The following ZMIZ1 variants were observed in gnomAD, a reference collection of about 807,000 sequenced individuals.
ZMIZ1 encodes the protein zinc finger MIZ-type containing 1.
In ZMIZ1, 17 loss-of-function variants were observed where a neutral mutation model predicts 113.9. That is an observed-to-expected ratio of 0.15 (90% CI 0.10 to 0.22). The LOEUF is 0.22. Among genes scored for constraint, ZMIZ1 ranks in the 10% least tolerant of loss-of-function variants. The pLI, the probability that ZMIZ1 is intolerant of heterozygous loss-of-function variation, is 1.00. For synonymous variants in ZMIZ1, 607 were observed against 603.1 expected, an observed-to-expected ratio of 1.01 and a Z score of -0.09; for missense variants, 1,059 against 1,477.8, an observed-to-expected ratio of 0.72 and a Z score of 4.65.
chr10:79,143,149 A>T (rs893235778), intron 3 of ZMIZ1, among the ~76,000 whole-genome samples: 5 of 152,066 alleles, frequency 3.3e-5, no homozygotes, highest in Admixed American at 3.3e-4. Context: ...CCCGAGGAAC[A>T]AGTGTGCTCC....
chr10:79,208,572 A>G, intron 6 of ZMIZ1, 123 bp downstream of exon 6: 1 of 802,878 alleles, frequency 1.2e-6, no homozygotes, highest in Non-Finnish European at 2.0e-6. Context: ...GAGAGCTGGG[A>G]AGACACTGGT....
At chr10:79,079,608 T>G (rs1842592200) in intron 1 of ZMIZ1, among the ~76,000 whole-genome samples, 1 of 152,078 alleles carries the variant, frequency 6.6e-6, no homozygotes, top group Admixed American at 6.6e-5. Flanking sequence ...TGAAGCGACT[T>G]GACCAAGGCC....
At chr10:79,135,070 C>T (rs1023611204) in intron 2 of ZMIZ1, among the ~76,000 whole-genome samples, 13 of 152,154 alleles carry the variant, frequency 8.5e-5, no homozygotes, top group East Asian at 7.7e-4. Flanking sequence ...TGCCCGCCTC[C>T]GCCTCCAAAG....
chr10:79,280,057 C>T (rs1250467512), intron 8 of ZMIZ1, among the ~76,000 whole-genome samples: 55 of 151,058 alleles, frequency 3.6e-4, no homozygotes, highest in African/African-American at 1.3e-3. Flanking sequence ...GGCGCAATCT[C>T]GGCTGACTGC....
intron 6 of ZMIZ1, among the ~76,000 whole-genome samples, chr10:79,213,761 C>T (rs899232414): frequency 3.9e-5 from 6 of 152,202 alleles, no homozygotes; most frequent in Admixed American, 2.0e-4. Flanking sequence ...CCAGAGTTTT[C>T]AGCTAGACTG....
At chr10:79,243,674 G>A (rs2132847225) in intron 7 of ZMIZ1, 3 of 301,672 alleles carry the variant, frequency 9.9e-6, no homozygotes, top group South Asian at 2.3e-5. Flanking sequence ...CGCCGCGGCC[G>A]CCGCCGGCCG....
chr10:79,158,922 G>A (rs934269892), intron 3 of ZMIZ1, among the ~76,000 whole-genome samples: 5 of 152,158 alleles, frequency 3.3e-5, no homozygotes, highest in African/African-American at 4.8e-5. Context: ...CCCCTCCCCC[G>A]GGAGCTTCAG....
chr10:79,155,876 G>A (rs900774227), intron 3 of ZMIZ1, among the ~76,000 whole-genome samples: 5 of 152,246 alleles, frequency 3.3e-5, no homozygotes, highest in Non-Finnish European at 7.3e-5. Flanking sequence ...ACTGCCCGAG[G>A]GACGGTGGCT....
intron 1 of ZMIZ1, among the ~76,000 whole-genome samples, chr10:79,095,807 C>T (rs1452665305): frequency 3.9e-5 from 6 of 152,306 alleles, no homozygotes; most frequent in African/African-American, 1.4e-4. Flanking sequence ...TTCTCAGATC[C>T]ACATCTTGGG....
chr10:79,310,790 T>C, intron 23 of ZMIZ1, 134 bp from the exon 24 acceptor site: 1 of 1,021,374 alleles, frequency 9.8e-7, no homozygotes, highest in Non-Finnish European at 1.4e-6. Flanking sequence ...GAAACAACGT[T>C]CAGCCTCGTA....
intron 3 of ZMIZ1, among the ~76,000 whole-genome samples, chr10:79,142,302 C>T (rs1217014264): frequency 3.3e-5 from 5 of 152,072 alleles, no homozygotes; most frequent in African/African-American, 9.7e-5. Context: ...TGGGAGTTGT[C>T]GTGGATTGAT....
chr10:79,116,771 G>A (rs191439940), intron 1 of ZMIZ1, among the ~76,000 whole-genome samples: 1 of 152,342 alleles, frequency 6.6e-6, no homozygotes, highest in Admixed American at 6.5e-5. Flanking sequence ...GTAGCTGCCA[G>A]GCAGATCAAG....
At chr10:79,277,464 A>C in intron 8 of ZMIZ1, 139 bp downstream of exon 8, 1 of 1,144,008 alleles carries the variant, frequency 8.7e-7, no homozygotes, top group Non-Finnish European at 1.1e-6. Context: ...TTGTTTTTTT[A>C]CATCTTCGTG....
At chr10:79,248,158 C>G (rs910249384) in intron 7 of ZMIZ1, among the ~76,000 whole-genome samples, 4 of 152,088 alleles carry the variant, frequency 2.6e-5, no homozygotes, top group Non-Finnish European at 5.9e-5. Context: ...GAACAGAGGC[C>G]TATGCTCTAC....
chr10:79,165,968 G>GTCTGGGCTCTTCCTGCAGCTCAGC (rs1564692785), intron 4 of ZMIZ1, among the ~76,000 whole-genome samples: 1,474 of 146,648 alleles, frequency 0.01, 93 homozygotes, highest in African/African-American at 0.038. Context: ...GTGTGTGTGT[G>GTCTGGGCTCTTCCTGCAGCTCAGC]TGTGTGTGTG....
chr10:79,146,474 C>G (rs1302447309), intron 3 of ZMIZ1, among the ~76,000 whole-genome samples: 1 of 152,162 alleles, frequency 6.6e-6, no homozygotes, highest in Non-Finnish European at 1.5e-5. Context: ...ATACCATGGA[C>G]TCCAGCTACA....
chr10:79,152,677 C>G (rs4980037), intron 3 of ZMIZ1, among the ~76,000 whole-genome samples: 26,411 of 152,164 alleles, frequency 0.17, 2,484 homozygotes, highest in East Asian at 0.32. Flanking sequence ...GTTCTGGAGC[C>G]CAGAGGCTGT....
At chr10:79,139,535 C>G (rs1845172065) in intron 2 of ZMIZ1, 147 bp from the exon 3 acceptor site, 1 of 396,242 alleles carries the variant, frequency 2.5e-6, no homozygotes, top group African/African-American at 2.1e-5. Flanking sequence ...ACACAGCCAG[C>G]TCTGATAAAT....
At chr10:79,211,120 G>A (rs970287811) in intron 6 of ZMIZ1, among the ~76,000 whole-genome samples, 5 of 152,118 alleles carry the variant, frequency 3.3e-5, no homozygotes, top group Admixed American at 6.5e-5. Context: ...CGGGTAGTGG[G>A]GATTGTCATA....
Sources: gnomAD v4.1 joint callset for allele counts (sites outside exome capture counted in the v4.1 genomes callset) on GRCh38, gnomAD v4.1.1 for gene constraint, MANE v1.5 for transcripts, NCBI Gene and HGNC (gene_info 2026-07-23, HGNC 2026-07-21) for gene names.